Variants in SPATA16 observed in about 807,000 individuals in gnomAD.
The protein encoded by SPATA16 is spermatogenesis associated 16.
In SPATA16, 36 loss-of-function variants were observed where a neutral mutation model predicts 63.3. The ratio of observed to expected loss-of-function variants is 0.57; its 90% CI spans 0.44 to 0.75. The LOEUF is 0.75. Ranked by LOEUF, SPATA16 falls within the 30% of genes least tolerant of loss-of-function variation. The pLI is 0.00. For synonymous variants in SPATA16, 203 were observed against 216.7 expected, an observed-to-expected ratio of 0.94 and a Z score of 0.56; for missense variants, 646 against 679.3, an observed-to-expected ratio of 0.95 and a Z score of 0.54.
chr3:173,044,100 C>T lies in SPATA16; in HGVS notation c.758+4849G>A, dbSNP rs1406813275. On this transcript the variant is annotated intron_variant, in intron 3 of 10. Transcript: ENST00000351008. ...GCGATCGTCTTTGAATCAGCCTCTC[C>T]TGCTGAGGCTTACTGGGTTTTCTTT... Among the ~76,000 whole-genome samples, 6 of 152,184 alleles carry T rather than the reference C, an allele frequency of 3.9e-5. No individual in the cohort carries two copies. In the South Asian group the frequency reaches 6.2e-4, roughly 16 times the overall value.
intron 2 of SPATA16, among the ~76,000 whole-genome samples, chr3:173,109,557 A>T (rs1366667915): frequency 1.3e-5 from 2 of 152,228 alleles, no homozygotes; most frequent in African/African-American, 4.8e-5. Context: ...TCATCTATGT[A>T]TCTTAAATCT....
At chr3:173,079,234 G>A (rs1484875123) in intron 2 of SPATA16, among the ~76,000 whole-genome samples, 1 of 152,072 alleles carries the variant, frequency 6.6e-6, no homozygotes, top group Non-Finnish European at 1.5e-5. Flanking sequence ...AGCTTGACAA[G>A]TCACAGATAT....
intron 6 of SPATA16, among the ~76,000 whole-genome samples, chr3:172,948,371 G>A (rs1733343893): frequency 1.3e-5 from 2 of 152,194 alleles, no homozygotes; most frequent in Non-Finnish European, 2.9e-5. Context: ...CTAGAATAGT[G>A]TATCTGGTAA....
At chr3:173,111,752 T>G (rs1737755004) in intron 2 of SPATA16, among the ~76,000 whole-genome samples, 1 of 152,160 alleles carries the variant, frequency 6.6e-6, no homozygotes, top group South Asian at 2.1e-4. Context: ...GGACCTGTCT[T>G]ATACCAAATT....
intron 2 of SPATA16, among the ~76,000 whole-genome samples, chr3:173,056,584 A>G (rs1485126298): frequency 6.6e-6 from 1 of 151,692 alleles, no homozygotes; most frequent in East Asian, 1.9e-4. Context: ...GGCCCCTGTA[A>G]CCCCAACTAC....
intron 10 of SPATA16, among the ~76,000 whole-genome samples, chr3:172,912,629 G>A (rs908109986): frequency 3.3e-5 from 5 of 151,892 alleles, no homozygotes; most frequent in Non-Finnish European, 7.4e-5. Context: ...TGAATGAATA[G>A]TAAATATATT....
At chr3:172,925,630 G>A (rs1732713011) in intron 6 of SPATA16, 138 bp from the exon 7 acceptor site, 1 of 988,470 alleles carries the variant, frequency 1.0e-6, no homozygotes, top group Non-Finnish European at 1.5e-6. Context: ...AATATTATGT[G>A]TATCAAAAGG....
At position 173,028,036 on chromosome 3, in the gene SPATA16, T is replaced by C. The variant is rs1245082556; in HGVS notation, c.759-8461A>G. On this transcript the variant is annotated intron_variant, in intron 3 of 10. Transcript: ENST00000351008. ...CTCCCTTCCTTCTTTCCTTCCTTCC[T>C]TCCTTCCTTCCTTCCTTCCTTCCTT... Among the ~76,000 whole-genome samples the C allele has an allele frequency of 1.8e-3, 181 of 99,088 alleles. 2 individuals carry two copies. The highest frequency in any genetic ancestry group is 7.4e-3 in the African/African-American group (174 of 23,434). The allele number at this position is 99,088 out of a possible 152,430, so 65.0% of individuals were successfully genotyped here. A position where few individuals can be genotyped will look rare whatever the true frequency, so the allele number is the denominator to read the frequency against.
At chr3:173,037,068 A>T (rs1735729300) in intron 3 of SPATA16, among the ~76,000 whole-genome samples, 1 of 152,030 alleles carries the variant, frequency 6.6e-6, no homozygotes, top group Admixed American at 6.6e-5. Context: ...ATGTTTAAAA[A>T]TATGGTAAAA....
chr3:173,090,038 G>A (rs1378514547), intron 2 of SPATA16, among the ~76,000 whole-genome samples: 1 of 152,156 alleles, frequency 6.6e-6, no homozygotes, highest in Non-Finnish European at 1.5e-5. Context: ...AAACAAAGAG[G>A]AAGAAATCCC....
intron 2 of SPATA16, among the ~76,000 whole-genome samples, chr3:173,077,514 C>T (rs986722472): frequency 4.6e-5 from 7 of 152,162 alleles, no homozygotes; most frequent in African/African-American, 1.7e-4. Context: ...TTAAAGCACA[C>T]CTTTGAGTTT....
chr3:173,084,048 A>G (rs1736989469), intron 2 of SPATA16, among the ~76,000 whole-genome samples: 1 of 152,174 alleles, frequency 6.6e-6, no homozygotes, highest in Non-Finnish European at 1.5e-5. Flanking sequence ...CAGTAATGGA[A>G]TTGCTGGGTC....
chr3:173,086,237 A>G (rs1013852740), intron 2 of SPATA16, among the ~76,000 whole-genome samples: 1 of 152,144 alleles, frequency 6.6e-6, no homozygotes, highest in Non-Finnish European at 1.5e-5. Flanking sequence ...CAGGAATTCA[A>G]CTTGTTCGTG....
At chr3:173,017,932 C>G (rs1735229670) in intron 4 of SPATA16, among the ~76,000 whole-genome samples, 1 of 152,158 alleles carries the variant, frequency 6.6e-6, no homozygotes, top group Non-Finnish European at 1.5e-5. Context: ...CTCTCTCATT[C>G]ATACTGCGAG....
intron 5 of SPATA16, among the ~76,000 whole-genome samples, chr3:172,966,472 A>G (rs1424275526): frequency 6.6e-6 from 1 of 152,146 alleles, no homozygotes; most frequent in African/African-American, 2.4e-5. Flanking sequence ...CACTATATAT[A>G]TATAATAGCA....
intron 2 of SPATA16, among the ~76,000 whole-genome samples, chr3:173,110,993 C>G (rs1402140734): frequency 6.6e-6 from 1 of 152,156 alleles, no homozygotes; most frequent in Non-Finnish European, 1.5e-5. Context: ...GCATTTTTAA[C>G]AAGATTACTA....
In SPATA16 at chr3:173,075,842, TGTA is replaced by T. The variant is rs1368556101; in HGVS notation, c.613-26751_613-26749del. ...AAGAATATAGATAGAAGAAATAAGA[TGTA>T]GTGTTTGGTAGCACAATAGGATGAC... is the stretch of plus-strand genomic sequence containing the variant. On this transcript the variant is annotated intron_variant, in intron 2 of 10. Coordinates refer to ENST00000351008, the MANE Select transcript of SPATA16 (RefSeq NM_031955.6). 5.3e-5 allele frequency among the ~76,000 whole-genome samples: 8 copies of T among 152,186 alleles called. No homozygotes were observed. The East Asian group carries it at 1.4e-3, about 26-fold the overall frequency.
intron 2 of SPATA16, among the ~76,000 whole-genome samples, chr3:173,107,635 C>A (rs1351956486): frequency 6.6e-6 from 1 of 151,972 alleles, no homozygotes; most frequent in Non-Finnish European, 1.5e-5. Context: ...TCTAGATAAC[C>A]TGAATTGAAA....
intron 4 of SPATA16, among the ~76,000 whole-genome samples, chr3:172,994,022 A>G (rs764552994): frequency 2.0e-5 from 3 of 152,194 alleles, no homozygotes; most frequent in Admixed American, 1.3e-4. Flanking sequence ...TAAACTTTTC[A>G]TTACAGAGTC....
Sources: allele counts gnomAD v4.1 joint callset (sites outside exome capture counted in the v4.1 genomes callset), GRCh38; gene constraint gnomAD v4.1.1; transcripts MANE v1.5; gene names NCBI Gene and HGNC (gene_info 2026-07-23, HGNC 2026-07-21).